BTG4: variants seen among roughly 807,000 people sequenced by gnomAD.
BTG4 encodes protein BTG4.
BTG4 carries 10 observed loss-of-function variants against 19.3 expected under a neutral mutation model. That is an observed-to-expected ratio of 0.52 (90% CI 0.32 to 0.88). BTG4 has a LOEUF of 0.88. Among genes scored for constraint, BTG4 ranks in the 40% least tolerant of loss-of-function variants. The probability of loss-of-function intolerance (pLI) is 0.04; values close to 1 mark genes in which losing one functional copy is unlikely to be tolerated. For synonymous variants in BTG4, 91 were observed against 95.7 expected (o/e 0.95, Z 0.29); for missense variants, 238 against 281.9 (o/e 0.84, Z 1.11).
At chr11:111,492,658 AG>A (rs1194265587), downstream of BTG4, among the ~76,000 whole-genome samples, 1 of 152,192 alleles carries the variant, frequency 6.6e-6, no homozygotes, top group Non-Finnish European at 1.5e-5. Flanking sequence ...GTCTATTGGG[AG>A]GATACTGATA....
At position 111,504,383 on chromosome 11, in the gene BTG4, G is replaced by T. The variant is rs183829563; in HGVS notation, c.-26-5581C>A. On this transcript the variant is annotated intron_variant, in intron 1 of 4. Transcript: ENST00000692032. ...ATACAATGTTGATTTGAACTCAAAA[G>T]AAATTAATTTTAGTGCAGCCTAATC... 2.1e-3 allele frequency among the ~76,000 whole-genome samples: 320 copies of T among 152,124 alleles called. 1 individual carries two copies. The highest frequency in any genetic ancestry group is 7.5e-3 in the African/African-American group (312 of 41,546).
upstream of BTG4, chr11:111,514,682 C>T: frequency 1.1e-6 from 1 of 889,920 alleles, no homozygotes; most frequent in Non-Finnish European, 1.7e-6. Context: ...AAACCGAGGG[C>T]AGCCGGCAGG....
the BTG4 span, among the ~76,000 whole-genome samples, chr11:111,438,100 C>T: frequency 2.4e-4 from 37 of 152,276 alleles, 1 homozygote; most frequent in Admixed American, 2.2e-3. Flanking sequence ...GTAGATGCTG[C>T]TTAAAGGAAG....
intron 5 of BTG4, among the ~76,000 whole-genome samples, chr11:111,468,062 G>T (rs79604978): frequency 0.025 from 3,756 of 152,298 alleles, 149 homozygotes; most frequent in African/African-American, 0.083. Context: ...GCTGGTAACT[G>T]CCTTAAACAC....
chr11:111,419,165 A>C, the BTG4 span, among the ~76,000 whole-genome samples: 1 of 152,228 alleles, frequency 6.6e-6, no homozygotes, highest in African/African-American at 2.4e-5. Flanking sequence ...ATCCTGAGGT[A>C]CTGGGGATTA....
chr11:111,468,287 C>T (rs1863842722), intron 5 of BTG4, among the ~76,000 whole-genome samples: 1 of 152,342 alleles, frequency 6.6e-6, no homozygotes, highest in Non-Finnish European at 1.5e-5. Flanking sequence ...GATGGGTAAA[C>T]GAACTCAGGT....
intron 5 of BTG4, chr11:111,469,937 A>G (rs1863962320): frequency 6.6e-6 from 1 of 152,662 alleles, no homozygotes; most frequent in Non-Finnish European, 1.5e-5. Context: ...GTCTAAACTC[A>G]TTGAAATGAA....
the BTG4 span, chr11:111,385,998 C>T: frequency 6.6e-6 from 1 of 152,060 alleles, no homozygotes; most frequent in Admixed American, 6.6e-5. Flanking sequence ...ACCCCATTTC[C>T]ACAAAAAAAT....
At chr11:111,412,945 A>T in the BTG4 span, among the ~76,000 whole-genome samples, 1 of 152,060 alleles carries the variant, frequency 6.6e-6, no homozygotes, top group Non-Finnish European at 1.5e-5. Context: ...AGGTTACCTC[A>T]GGCAAATTTT....
chr11:111,396,278 G>A, the BTG4 span, among the ~76,000 whole-genome samples: 140 of 152,282 alleles, frequency 9.2e-4, no homozygotes, highest in Middle Eastern at 0.014. Context: ...ACTAGGTAAC[G>A]TTCTGAAAAC....
the BTG4 span, chr11:111,415,851 G>C: frequency 2.0e-5 from 3 of 152,114 alleles, no homozygotes; most frequent in Non-Finnish European, 2.9e-5. Flanking sequence ...CATCAGACTG[G>C]ACAATATAGC....
At chr11:111,394,728 T>G in the BTG4 span, among the ~76,000 whole-genome samples, 1 of 152,238 alleles carries the variant, frequency 6.6e-6, no homozygotes, top group Non-Finnish European at 1.5e-5. Context: ...CTTTAGACAC[T>G]TGTGCCCAGC....
intron 5 of BTG4, among the ~76,000 whole-genome samples, chr11:111,484,898 T>C (rs770013231): frequency 1.3e-5 from 2 of 152,012 alleles, no homozygotes; most frequent in Non-Finnish European, 2.9e-5. Flanking sequence ...TCATATCACC[T>C]ATAAAGGCAC....
the BTG4 span, among the ~76,000 whole-genome samples, chr11:111,432,956 T>A: frequency 6.6e-6 from 1 of 152,042 alleles, no homozygotes; most frequent in Admixed American, 6.6e-5. Flanking sequence ...CCTCCCAAAG[T>A]GCTGGTATTA....
chr11:111,497,195 C>CTT lies in BTG4; in HGVS notation c.510+15_510+16insAA, dbSNP rs1865791147. On this transcript the variant is annotated intron_variant, in intron 4 of 4. Coordinates refer to ENST00000692032, the MANE Select transcript of BTG4 (RefSeq NM_001367975.1). Reference sequence around the variant, plus strand: ...GATAGAAAAAAAGTATAGAAAAGAACTGGAACACTCTTGACCTGATAAATA... The same window carrying CTT: ...GATAGAAAAAAAGTATAGAAAAGAACTTTGGAACACTCTTGACCTGATAAATA... 2 of 1,602,124 alleles carry CTT rather than the reference C, an allele frequency of 1.2e-6. No individual in the cohort carries two copies. Among genetic ancestry groups the CTT allele is most frequent in the Non-Finnish European group, 1.7e-6 (2 of 1,172,780 alleles).
chr11:111,398,067 G>A, the BTG4 span: 2 of 152,184 alleles, frequency 1.3e-5, no homozygotes, highest in African/African-American at 4.8e-5. Context: ...GGAAAGAAGA[G>A]GGTAGTCACG....
chr11:111,509,556 C>T (rs979388597), intron 1 of BTG4, among the ~76,000 whole-genome samples: 2 of 151,778 alleles, frequency 1.3e-5, no homozygotes, highest in Non-Finnish European at 2.9e-5. Flanking sequence ...ATTAGCCAGG[C>T]ATGGTGGTGG....
upstream of BTG4, among the ~76,000 whole-genome samples, chr11:111,513,179 T>TA (rs1867075381): frequency 6.6e-6 from 1 of 152,202 alleles, no homozygotes; most frequent in Non-Finnish European, 1.5e-5. Context: ...TTTCTCCAGA[T>TA]ACAGTTAAAC....
At chr11:111,421,905 T>C in the BTG4 span, among the ~76,000 whole-genome samples, 2 of 150,282 alleles carry the variant, frequency 1.3e-5, no homozygotes, top group Admixed American at 1.3e-4. Flanking sequence ...AGAGTGAGAC[T>C]CCATCAGACA....
Sources: gnomAD v4.1 joint callset for allele counts (sites outside exome capture counted in the v4.1 genomes callset) on GRCh38, gnomAD v4.1.1 for gene constraint, MANE v1.5 for transcripts, NCBI Gene and HGNC (gene_info 2026-07-23, HGNC 2026-07-21) for gene names.